Variants in SMU1 observed in about 807,000 individuals in gnomAD.
SMU1 encodes SMU1 DNA replication regulator and spliceosomal factor, also known as WD40 repeat-containing protein SMU1.
Under a neutral mutation model 62.0 loss-of-function variants are expected in SMU1, and 2 were observed. The observed-to-expected ratio is 0.03, with a 90% CI of 0.01 to 0.10. The LOEUF (loss-of-function observed/expected upper bound fraction) is 0.10. SMU1 is among the 10% of genes least tolerant of loss of function. The pLI is 1.00. For missense variants in SMU1, 227 were observed against 622.1 expected (o/e 0.36, Z 6.76); for synonymous variants, 188 against 212.4 (o/e 0.89, Z 1.00).
At chr9:33,072,923 C>T (rs1839503985) in intron 2 of SMU1, among the ~76,000 whole-genome samples, 1 of 151,656 alleles carries the variant, frequency 6.6e-6, no homozygotes, top group Non-Finnish European at 1.5e-5. Flanking sequence ...AGAAAGTCTA[C>T]TCTGCTGTTT....
intron 4 of SMU1, among the ~76,000 whole-genome samples, chr9:33,067,216 CAGA>C (rs201691100): frequency 1.5e-3 from 203 of 138,676 alleles, no homozygotes; most frequent in African/African-American, 5.1e-3. Flanking sequence ...ACTGAAAATC[CAGA>C]AGAAGAGTAA....
rs187131743 is a variant in SMU1, at chr9:33,066,574, G to A, written c.501+2250C>T. 4.1e-3 allele frequency among the ~76,000 whole-genome samples: 619 copies of A among 149,210 alleles called. 5 individuals are homozygous for A. Among genetic ancestry groups the A allele is most frequent in the African/African-American group, 0.014 (585 of 41,004 alleles). ...TGTAATCCCAAAACTTTGGGAGGCC[G>A]AGGTGGGCAGATCACGAGGTCAAGA... On this transcript the variant is annotated intron_variant, in intron 4 of 11. Coordinates refer to ENST00000397149, the MANE Select transcript of SMU1 (RefSeq NM_018225.3).
Position 33,048,153 on chromosome 9 carries a change from G to A in SMU1, c.1396C>T (p.Leu466Phe), listed in dbSNP as rs897034442. 3 of 1,613,924 alleles carry A rather than the reference G, an allele frequency of 1.9e-6. No individual in the cohort carries two copies. The highest frequency in any genetic ancestry group is 1.3e-5 in the African/African-American group (1 of 74,874). Residue 466 changes from leucine (L) to phenylalanine (F), a missense_variant, in exon 11 of 12, where the codon CTC becomes TTC. This residue lies in a region of SMU1 where 25 missense variants were observed against 116.2 expected (regional missense o/e 0.22). Transcript: ENST00000397149. Reference sequence around the variant, plus strand: ...CCAGTGACTGTACTGAAACAGTAGAGCACAAAGTCCTCCCCTACACAGTAG... The same window carrying A: ...CCAGTGACTGTACTGAAACAGTAGAACACAAAGTCCTCCCCTACACAGTAG... ...WIYCVGEDFV[L>F]YCFSTVTGKL...
chr9:33,054,831 G>A (rs1418541822), intron 9 of SMU1, among the ~76,000 whole-genome samples: 1 of 152,122 alleles, frequency 6.6e-6, no homozygotes, highest in Non-Finnish European at 1.5e-5. Context: ...CAGTTGCTTA[G>A]AAGAAAAAAT....
intron 9 of SMU1, among the ~76,000 whole-genome samples, chr9:33,054,385 A>G (rs1271909919): frequency 6.6e-6 from 1 of 152,138 alleles, no homozygotes; most frequent in Non-Finnish European, 1.5e-5. Flanking sequence ...GGTGAGGCAT[A>G]GGCATTTTTT....
rs779897816 is a variant in SMU1, at chr9:33,057,587, C to T, written c.867+11G>A. ...TGTCTACATATGAGAGGCTGTGGCA[C>T]TAATCCATACCTTGATTTTTCCATC... is the stretch of plus-strand genomic sequence containing the variant. On this transcript the variant is annotated intron_variant, in intron 7 of 11. Coordinates refer to ENST00000397149, the MANE Select transcript of SMU1 (RefSeq NM_018225.3). The T allele has an allele frequency of 2.5e-6, 4 of 1,612,942 alleles. No homozygotes were observed. The highest frequency in any genetic ancestry group is 3.3e-5 in the Admixed American group (2 of 60,012).
chr9:33,055,739 T>C (rs1564021089), intron 9 of SMU1, among the ~76,000 whole-genome samples: 2 of 152,156 alleles, frequency 1.3e-5, no homozygotes, highest in Non-Finnish European at 2.9e-5. Context: ...AAAAAAGAGA[T>C]CTATTTATTA....
chr9:33,050,904 G>A lies in SMU1; in HGVS notation c.1290+2219C>T, dbSNP rs1468664123. Among the ~76,000 whole-genome samples, 6 of 82,158 alleles carry A rather than the reference G, an allele frequency of 7.3e-5. No individual in the cohort carries two copies. In the Admixed American group the frequency reaches 7.4e-4, roughly 10 times the overall value. 53.9% of individuals were successfully genotyped at this position (82,158 alleles called of 152,430 possible). On this transcript the variant is annotated intron_variant, in intron 10 of 11. Coordinates refer to ENST00000397149, the MANE Select transcript of SMU1 (RefSeq NM_018225.3). The stretch of plus-strand genomic sequence containing the variant: ...TGGGAGGCCGAGGCGGGCGGATCAC[G>A]AGGTCAGGAGATCGAGACCATCCTG...
intron 5 of SMU1, among the ~76,000 whole-genome samples, chr9:33,061,576 A>C (rs1247646037): frequency 6.6e-6 from 1 of 152,180 alleles, no homozygotes; most frequent in Non-Finnish European, 1.5e-5. Context: ...GATTTAAAAA[A>C]ATAAAAATAA....
chr9:33,055,036 G>A lies in SMU1; in HGVS notation c.1122+1077C>T, dbSNP rs114277249. ...TAGCATGAGAGCAAATCCCATGACT[G>A]AAGTACTAACAGCTCTGTGTGATTT... On this transcript the variant is annotated intron_variant, in intron 9 of 11. Coordinates refer to ENST00000397149, the MANE Select transcript of SMU1 (RefSeq NM_018225.3). Among the ~76,000 whole-genome samples, 496 of 152,290 alleles carry A rather than the reference G, an allele frequency of 3.3e-3. 4 individuals carry two copies. The highest frequency in any genetic ancestry group is 0.012 in the African/African-American group (480 of 41,550).
In SMU1 at chr9:33,046,169, C is replaced by T. The variant is rs1392488731; in HGVS notation, c.*1124G>A. ...TTACAAAGGAGACTTTTCTAAATCT[C>T]AAGTCCTTTGCTAATTTTTCTTTGG... is the stretch of plus-strand genomic sequence containing the variant. On this transcript the variant is annotated 3_prime_UTR_variant, in exon 12 of 12. Coordinates refer to ENST00000397149, the MANE Select transcript of SMU1 (RefSeq NM_018225.3). 6.6e-6 allele frequency: 1 copy of T among 152,194 alleles called. No homozygotes were observed. The highest frequency in any genetic ancestry group is 1.5e-5 in the Non-Finnish European group (1 of 68,038). The allele number at this position is 152,194 out of a possible 1,614,324, so 9.4% of individuals were successfully genotyped here.
At chr9:33,057,485 T>TC (rs1163392172) in intron 7 of SMU1, 113 bp downstream of exon 7, 2 of 1,305,586 alleles carry the variant, frequency 1.5e-6, no homozygotes, top group Non-Finnish European at 1.1e-6. Context: ...AGCATAAAGC[T>TC]GATGCTCAAT....
At chr9:33,072,155 G>A (rs968235301) in intron 2 of SMU1, among the ~76,000 whole-genome samples, 1 of 152,058 alleles carries the variant, frequency 6.6e-6, no homozygotes, top group East Asian at 1.9e-4. Flanking sequence ...CCAACGTGGT[G>A]AAACAGACTC....
At position 33,056,957 on chromosome 9, in the gene SMU1, T is replaced by C; in HGVS notation, c.875A>G (p.Lys292Arg). 1 of 1,604,384 alleles carries C rather than the reference T, an allele frequency of 6.2e-7. No individual in the cohort carries two copies. The highest frequency in any genetic ancestry group is 8.5e-7 in the Non-Finnish European group (1 of 1,177,384). ...CCTTAAACATTGTCCACTCTGAATCTTCCACACCTTTATTTGAAAAAAAAA... is the reference window on the plus strand; with the variant it reads ...CCTTAAACATTGTCCACTCTGAATCCTCCACACCTTTATTTGAAAAAAAAA... ...GAQDGKIKVW[K>R]IQSGQCLRRF... is the part of the protein sequence containing the mutation. The change falls in exon 8 of 12, where the codon AAG becomes AGG. Residue 292 changes from lysine to arginine, a missense_variant. Around this residue, in one of 5 missense-constraint regions of SMU1, gnomAD observed 98 missense variants for 195.9 expected, o/e 0.50. Transcript: ENST00000397149.
intron 3 of SMU1, among the ~76,000 whole-genome samples, chr9:33,071,497 C>T (rs1237280583): frequency 1.3e-5 from 2 of 152,036 alleles, no homozygotes; most frequent in Admixed American, 1.3e-4. Context: ...TTTTTACTAA[C>T]CAACACGCAA....
chr9:33,052,178 T>C (rs899253912), intron 10 of SMU1, among the ~76,000 whole-genome samples: 1 of 152,118 alleles, frequency 6.6e-6, no homozygotes, highest in African/African-American at 2.4e-5. Context: ...ATAAGATCTG[T>C]AATAGAGTTA....
chr9:33,057,087 C>T, intron 7 of SMU1, 123 bp from the exon 8 acceptor site: 1 of 937,902 alleles, frequency 1.1e-6, no homozygotes, highest in South Asian at 1.7e-5. Flanking sequence ...AAAATGCACG[C>T]TAATAGCTGA....
chr9:33,052,471 A>ACT (rs1233275359), intron 10 of SMU1, among the ~76,000 whole-genome samples: 1 of 152,034 alleles, frequency 6.6e-6, no homozygotes, highest in African/African-American at 2.4e-5. Context: ...CTCAACTACT[A>ACT]CTCCATCAGT....
At chr9:33,069,008 C>A (rs1290035410) in intron 3 of SMU1, 74 bp from the exon 4 acceptor site, 28 of 1,538,144 alleles carry the variant, frequency 1.8e-5, no homozygotes, top group Non-Finnish European at 2.4e-5. Flanking sequence ...TTAAAACAAA[C>A]AAGCAGAAGC....
Sources: allele counts gnomAD v4.1 joint callset (sites outside exome capture counted in the v4.1 genomes callset), GRCh38; gene constraint gnomAD v4.1.1; regional missense constraint gnomAD v4.1.1; transcripts MANE v1.5; gene names NCBI Gene and HGNC (gene_info 2026-07-23, HGNC 2026-07-21).